CACNG2: variants seen among roughly 807,000 people sequenced by gnomAD.
CACNG2 encodes the protein calcium voltage-gated channel auxiliary subunit gamma 2, also known as voltage-dependent calcium channel gamma-2 subunit.
CACNG2 carries 3 observed loss-of-function variants against 25.9 expected under a neutral mutation model. The observed-to-expected ratio is 0.12, with a 90% CI of 0.05 to 0.30. CACNG2 has a LOEUF of 0.30. CACNG2 is among the 10% of genes least tolerant of loss of function. CACNG2 has a pLI of 1.00. For missense variants in CACNG2, 341 were observed against 432.5 expected, an observed-to-expected ratio of 0.79 and a Z score of 1.88; for synonymous variants, 167 against 173.3, an observed-to-expected ratio of 0.96 and a Z score of 0.29.
At chr22:36,665,419 C>A (rs540601455) in intron 1 of CACNG2, among the ~76,000 whole-genome samples, 1 of 152,322 alleles carries the variant, frequency 6.6e-6, no homozygotes, top group Admixed American at 6.5e-5. Flanking sequence ...GAAGCAAGTA[C>A]ACAGTGCCTG....
chr22:36,700,713 T>C (rs1273375324), intron 1 of CACNG2, among the ~76,000 whole-genome samples: 1 of 152,198 alleles, frequency 6.6e-6, no homozygotes, highest in Non-Finnish European at 1.5e-5. Flanking sequence ...TGTGCATGTG[T>C]TTAAAACAGT....
chr22:36,670,742 C>T (rs1936938062), intron 1 of CACNG2, among the ~76,000 whole-genome samples: 1 of 151,400 alleles, frequency 6.6e-6, no homozygotes, highest in African/African-American at 2.4e-5. Flanking sequence ...AGCGATCCTC[C>T]CACCTCAGTC....
chr22:36,636,916 A>C (rs188880392), intron 1 of CACNG2, among the ~76,000 whole-genome samples: 100 of 152,324 alleles, frequency 6.6e-4, no homozygotes, highest in African/African-American at 2.4e-3. Flanking sequence ...CTGACCAGTT[A>C]AAAGTGTGGC....
chr22:36,694,831 A>G (rs1169605533), intron 1 of CACNG2, among the ~76,000 whole-genome samples: 1 of 152,162 alleles, frequency 6.6e-6, no homozygotes, highest in Admixed American at 6.5e-5. Context: ...ATTTGAGTCT[A>G]TTTCTACCCT....
intron 1 of CACNG2, among the ~76,000 whole-genome samples, chr22:36,668,595 C>T (rs537279659): frequency 2.2e-4 from 34 of 152,024 alleles, no homozygotes; most frequent in African/African-American, 7.7e-4. Flanking sequence ...CTCAAGCAAT[C>T]CTCTTGCCTC....
intron 1 of CACNG2, among the ~76,000 whole-genome samples, chr22:36,596,597 T>C (rs1001635149): frequency 6.6e-6 from 1 of 152,078 alleles, no homozygotes; most frequent in African/African-American, 2.4e-5. Context: ...TGAGATGAAG[T>C]AAGTGGTCTG....
At chr22:36,580,809 C>A (rs1043409042) in intron 2 of CACNG2, among the ~76,000 whole-genome samples, 1 of 152,104 alleles carries the variant, frequency 6.6e-6, no homozygotes, top group Non-Finnish European at 1.5e-5. Flanking sequence ...AATAGGACAG[C>A]TAGGAAATGT....
chr22:36,655,784 C>T (rs576508003), intron 1 of CACNG2, among the ~76,000 whole-genome samples: 1 of 144,478 alleles, frequency 6.9e-6, no homozygotes, highest in African/African-American at 2.6e-5. Context: ...TTCCTTCCTT[C>T]CTTCCTTCCT....
chr22:36,577,542 TG>T (rs1457756418), intron 2 of CACNG2, among the ~76,000 whole-genome samples: 1 of 151,236 alleles, frequency 6.6e-6, no homozygotes, highest in Non-Finnish European at 1.5e-5. Context: ...CCCACCTACT[TG>T]GGAGGCTGAG....
intron 2 of CACNG2, among the ~76,000 whole-genome samples, chr22:36,571,782 C>T (rs1363711821): frequency 6.6e-6 from 1 of 150,760 alleles, no homozygotes; most frequent in Non-Finnish European, 1.5e-5. Flanking sequence ...GGGGCTGAGG[C>T]AGGAGAATCG....
chr22:36,581,079 C>T (rs1935409263), intron 2 of CACNG2, among the ~76,000 whole-genome samples: 1 of 152,194 alleles, frequency 6.6e-6, no homozygotes, highest in Non-Finnish European at 1.5e-5. Flanking sequence ...CCTCACCACG[C>T]TCCTTAATCT....
At chr22:36,636,631 G>A (rs937645801) in intron 1 of CACNG2, among the ~76,000 whole-genome samples, 1 of 152,218 alleles carries the variant, frequency 6.6e-6, no homozygotes, top group African/African-American at 2.4e-5. Flanking sequence ...TTTACTCTGT[G>A]CCAGACACTG....
intron 1 of CACNG2, among the ~76,000 whole-genome samples, chr22:36,655,009 G>A (rs960349675): frequency 3.9e-5 from 6 of 152,016 alleles, no homozygotes; most frequent in African/African-American, 1.2e-4. Context: ...TTGACTAAGC[G>A]GAGCTGTGAT....
In CACNG2 at chr22:36,564,724, A is replaced by T. The variant is rs1344172164; in HGVS notation, c.599T>A (p.Met200Lys). 1.2e-6 allele frequency: 2 copies of T among 1,614,144 alleles called. No homozygotes were observed. Among genetic ancestry groups the T allele is most frequent in the Non-Finnish European group, 1.7e-6 (2 of 1,180,016 alleles). ...CAGCTGTTTGTGCCGGTCGATAAAC[A>T]TGTGCACCGCCAGCACCCCGACCAT... Reference protein sequence around the residue: ...AEMVGVLAVHMFIDRHKQLRA... With the variant: ...AEMVGVLAVHKFIDRHKQLRA... The change falls in exon 4 of 4, where the codon ATG (methionine) becomes AAG (lysine). Residue 200 changes from methionine to lysine, a missense_variant. Met to Lys is a moderately conservative substitution (Grantham distance 95). This residue lies in a region of CACNG2 where 172 missense variants were observed against 178.1 expected (regional missense o/e 0.97). Coordinates refer to ENST00000300105, the MANE Select transcript of CACNG2 (RefSeq NM_006078.5). The surrounding 1 kb of genome is among the most constrained non-coding windows in gnomAD (Gnocchi z 6.7).
At chr22:36,676,414 G>T (rs1391549749) in intron 1 of CACNG2, among the ~76,000 whole-genome samples, 1 of 152,196 alleles carries the variant, frequency 6.6e-6, no homozygotes, top group Non-Finnish European at 1.5e-5. Flanking sequence ...TACCCAGGAT[G>T]CAGCTGGCAC....
intron 1 of CACNG2, among the ~76,000 whole-genome samples, chr22:36,620,091 T>C (rs1569031590): frequency 6.6e-6 from 1 of 151,528 alleles, no homozygotes; most frequent in Non-Finnish European, 1.5e-5. Flanking sequence ...AGCATGTGCA[T>C]ACACACACAC....
intron 1 of CACNG2, among the ~76,000 whole-genome samples, chr22:36,663,713 G>T (rs1467125074): frequency 6.6e-6 from 1 of 152,216 alleles, no homozygotes; most frequent in Non-Finnish European, 1.5e-5. Flanking sequence ...GGGCGCCTCA[G>T]ATGACTGCCT....
At chr22:36,590,155 G>A (rs1021719538) in intron 1 of CACNG2, among the ~76,000 whole-genome samples, 1 of 152,136 alleles carries the variant, frequency 6.6e-6, no homozygotes, top group African/African-American at 2.4e-5. Flanking sequence ...CACATTCTAC[G>A]GGGAGCCTAG....
At chr22:36,673,163 C>T (rs1317179311) in intron 1 of CACNG2, among the ~76,000 whole-genome samples, 1 of 152,144 alleles carries the variant, frequency 6.6e-6, no homozygotes, top group African/African-American at 2.4e-5. Context: ...GAAGTGGAGG[C>T]TGCAGTGAGC....
Sources: gnomAD v4.1 joint callset for allele counts (sites outside exome capture counted in the v4.1 genomes callset) on GRCh38, gnomAD v4.1.1 for gene constraint, gnomAD v4.1.1 regional missense constraint, Gnocchi (gnomAD v3.1) non-coding constraint, MANE v1.5 for transcripts, NCBI Gene and HGNC (gene_info 2026-07-23, HGNC 2026-07-21) for gene names.